Variants in UBE2E2 observed in about 807,000 individuals in gnomAD.
The protein encoded by UBE2E2 is ubiquitin-conjugating enzyme E2 E2.
In UBE2E2, 6 loss-of-function variants were observed where a neutral mutation model predicts 24.7. That is an observed-to-expected ratio of 0.24 (90% CI 0.13 to 0.48). The LOEUF is 0.48. Ranked by LOEUF, UBE2E2 falls within the 20% of genes least tolerant of loss-of-function variation. UBE2E2 has a pLI of 0.99. For synonymous variants in UBE2E2, 104 were observed against 83.6 expected, an observed-to-expected ratio of 1.24 and a Z score of -1.33; for missense variants, 169 against 245.0, an observed-to-expected ratio of 0.69 and a Z score of 2.07.
At chr3:23,439,070 G>GA (rs1435811517) in intron 3 of UBE2E2, among the ~76,000 whole-genome samples, 2 of 152,178 alleles carry the variant, frequency 1.3e-5, no homozygotes, top group East Asian at 3.8e-4. Context: ...AATCAGAGTA[G>GA]AATGCAAAAT....
At chr3:23,285,949 GGCCTCCCAAAGT>G in intron 3 of UBE2E2, among the ~76,000 whole-genome samples, 1 of 152,180 alleles carries the variant, frequency 6.6e-6, no homozygotes, top group East Asian at 1.9e-4. Flanking sequence ...TGCCCACCTC[GGCCTCCCAAAGT>G]GCTGGGATTA....
intron 3 of UBE2E2, among the ~76,000 whole-genome samples, chr3:23,350,920 A>C (rs1695728255): frequency 6.6e-6 from 1 of 152,206 alleles, no homozygotes; most frequent in African/African-American, 2.4e-5. Context: ...GAGCAACTCC[A>C]AGACACATAA....
chr3:23,472,170 TC>T (rs1699044430), intron 3 of UBE2E2, among the ~76,000 whole-genome samples: 2 of 152,106 alleles, frequency 1.3e-5, no homozygotes, highest in African/African-American at 4.8e-5. Context: ...TGAGTAAAAA[TC>T]AATGGAGTAT....
At position 23,520,795 on chromosome 3, in the gene UBE2E2, A is replaced by G. The variant is rs13324677; in HGVS notation, c.361-11759A>G. Among the ~76,000 whole-genome samples, 1,478 of 152,130 alleles carry G rather than the reference A, an allele frequency of 9.7e-3. 25 individuals are homozygous for G. The highest frequency in any genetic ancestry group is 0.033 in the African/African-American group (1,377 of 41,488). ...GTAGCTAGTAATACAGGCACACACAACCATGCCTGGATAGTTTTTTAGTTC... is the reference window on the plus strand; with the variant it reads ...GTAGCTAGTAATACAGGCACACACAGCCATGCCTGGATAGTTTTTTAGTTC... On this transcript the variant is annotated intron_variant, in intron 4 of 5. Coordinates refer to ENST00000396703, the MANE Select transcript of UBE2E2 (RefSeq NM_152653.4).
chr3:23,476,284 C>T (rs140295069), intron 3 of UBE2E2, among the ~76,000 whole-genome samples: 105 of 152,100 alleles, frequency 6.9e-4, no homozygotes, highest in Middle Eastern at 3.4e-3. Flanking sequence ...TGGATATTGT[C>T]GTAACACTGA....
At chr3:23,203,820 C>G (rs1267548392) in intron 1 of UBE2E2, among the ~76,000 whole-genome samples, 1 of 151,834 alleles carries the variant, frequency 6.6e-6, no homozygotes, top group East Asian at 1.9e-4. Flanking sequence ...TTCAAAAGTA[C>G]AGGATAAATG....
At chr3:23,380,105 C>T (rs926378594) in intron 3 of UBE2E2, among the ~76,000 whole-genome samples, 3 of 116,196 alleles carry the variant, frequency 2.6e-5, no homozygotes, top group Non-Finnish European at 5.6e-5. Flanking sequence ...AAAAAAAAAA[C>T]CCTGAAATTG....
intron 3 of UBE2E2, among the ~76,000 whole-genome samples, chr3:23,397,690 T>C (rs1365454964): frequency 6.6e-6 from 1 of 152,238 alleles, no homozygotes; most frequent in African/African-American, 2.4e-5. Flanking sequence ...GATTTATCCA[T>C]GTTGTAGGGA....
chr3:23,568,706 T>TATAC (rs1696146515), intron 5 of UBE2E2, among the ~76,000 whole-genome samples: 1 of 138,372 alleles, frequency 7.2e-6, no homozygotes, highest in Admixed American at 7.3e-5. Context: ...CATATATATA[T>TATAC]ACATGTATAT....
At chr3:23,320,901 C>T (rs1022462656) in intron 3 of UBE2E2, among the ~76,000 whole-genome samples, 1 of 152,198 alleles carries the variant, frequency 6.6e-6, no homozygotes, top group Non-Finnish European at 1.5e-5. Flanking sequence ...AACAAATTAC[C>T]ATAATCTGGG....
intron 3 of UBE2E2, among the ~76,000 whole-genome samples, chr3:23,419,567 C>T (rs1357676772): frequency 6.6e-6 from 1 of 152,184 alleles, no homozygotes; most frequent in Non-Finnish European, 1.5e-5. Flanking sequence ...GTGGATGTTG[C>T]TTGAGAATCT....
intron 3 of UBE2E2, among the ~76,000 whole-genome samples, chr3:23,429,102 C>T (rs919933986): frequency 6.6e-6 from 1 of 151,748 alleles, no homozygotes; most frequent in African/African-American, 2.4e-5. Flanking sequence ...AATACACAAA[C>T]TAAGTAGGCC....
At chr3:23,445,676 C>G (rs1442650484) in intron 3 of UBE2E2, among the ~76,000 whole-genome samples, 5 of 152,136 alleles carry the variant, frequency 3.3e-5, no homozygotes, top group Non-Finnish European at 7.4e-5. Context: ...GTCTGAGTTA[C>G]CTGTGAATGT....
intron 3 of UBE2E2, among the ~76,000 whole-genome samples, chr3:23,418,346 A>G (rs1697700040): frequency 6.6e-6 from 1 of 152,082 alleles, no homozygotes; most frequent in Non-Finnish European, 1.5e-5. Context: ...TGGGTAACGC[A>G]ATGCCCCACC....
At chr3:23,402,102 C>T (rs900148186) in intron 3 of UBE2E2, among the ~76,000 whole-genome samples, 3 of 151,926 alleles carry the variant, frequency 2.0e-5, no homozygotes, top group Non-Finnish European at 4.4e-5. Flanking sequence ...GATCCACCTG[C>T]CTCAGCCTCC....
intron 3 of UBE2E2, among the ~76,000 whole-genome samples, chr3:23,284,954 GA>G (rs145146864): frequency 0.19 from 24,464 of 130,928 alleles, 2,296 homozygotes; most frequent in Non-Finnish European, 0.21. Context: ...CTTCTTGTTG[GA>G]AAAAAAAATA....
At chr3:23,418,490 A>G (rs1317097877) in intron 3 of UBE2E2, among the ~76,000 whole-genome samples, 3 of 152,150 alleles carry the variant, frequency 2.0e-5, no homozygotes, top group African/African-American at 7.2e-5. Flanking sequence ...CTATTTGGCC[A>G]TCTTCAAGCC....
At chr3:23,467,042 G>T (rs912073390) in intron 3 of UBE2E2, among the ~76,000 whole-genome samples, 2 of 152,120 alleles carry the variant, frequency 1.3e-5, no homozygotes, top group Admixed American at 6.5e-5. Context: ...AAAGTCTGAG[G>T]TAAAACCCCA....
chr3:23,250,248 C>T (rs547206475), intron 3 of UBE2E2, among the ~76,000 whole-genome samples: 43 of 152,320 alleles, frequency 2.8e-4, no homozygotes, highest in African/African-American at 8.7e-4. Context: ...GGCTCCATTT[C>T]CTGTACTATT....
Sources: gnomAD v4.1 joint callset for allele counts (sites outside exome capture counted in the v4.1 genomes callset) on GRCh38, gnomAD v4.1.1 for gene constraint, MANE v1.5 for transcripts, NCBI Gene and HGNC (gene_info 2026-07-23, HGNC 2026-07-21) for gene names.